PPP2R3A: variants seen among roughly 807,000 people sequenced by gnomAD.
PPP2R3A encodes the protein protein phosphatase 2 regulatory subunit B''alpha.
PPP2R3A carries 80 observed loss-of-function variants against 106.9 expected under a neutral mutation model. The observed-to-expected ratio is 0.75, with a 90% CI of 0.62 to 0.90. The LOEUF is 0.90. Among genes scored for constraint, PPP2R3A ranks in the 40% least tolerant of loss-of-function variants. PPP2R3A has a pLI of 0.00. For synonymous variants in PPP2R3A, 483 were observed against 468.3 expected, an observed-to-expected ratio of 1.03 and a Z score of -0.41; for missense variants, 1,386 against 1,350.4, an observed-to-expected ratio of 1.03 and a Z score of -0.41.
intron 13 of PPP2R3A, among the ~76,000 whole-genome samples, chr3:136,113,875 G>C (rs1937642400): frequency 6.6e-6 from 1 of 151,962 alleles, no homozygotes; most frequent in East Asian, 1.9e-4. Flanking sequence ...CTCGACATAG[G>C]CCTTGGCAAA....
In PPP2R3A at chr3:136,049,243, GTTGTTTCTTT is replaced by G; in HGVS notation, c.2367-14_2367-5del. On this transcript the variant is annotated splice_region_variant and splice_polypyrimidine_tract_variant and intron_variant, in intron 4 of 13. Transcript: ENST00000264977. ...TCAGAGGAACTAATCTTCCTAAGCA[GTTGTTTCTTT>G]TATAGGTTGCTGAATAACCATCATG... is the stretch of plus-strand genomic sequence containing the variant. The G allele has an allele frequency of 6.4e-7, 1 of 1,572,968 alleles. No homozygotes were observed. Among genetic ancestry groups the G allele is most frequent in the Non-Finnish European group, 8.7e-7 (1 of 1,149,498 alleles).
At chr3:136,036,002 G>A (rs1935073487) in intron 3 of PPP2R3A, among the ~76,000 whole-genome samples, 1 of 151,494 alleles carries the variant, frequency 6.6e-6, no homozygotes, top group South Asian at 2.1e-4. Flanking sequence ...TCTTCTGCTT[G>A]TTCAGTTCCA....
At chr3:136,074,593 G>A (rs1053844240) in intron 6 of PPP2R3A, among the ~76,000 whole-genome samples, 1 of 152,216 alleles carries the variant, frequency 6.6e-6, no homozygotes, top group African/African-American at 2.4e-5. Flanking sequence ...GCTAACTTGA[G>A]TTTTTAAAAT....
intron 3 of PPP2R3A, among the ~76,000 whole-genome samples, chr3:136,034,724 A>G (rs1255919423): frequency 1.3e-5 from 2 of 152,190 alleles, no homozygotes; most frequent in Non-Finnish European, 2.9e-5. Flanking sequence ...TGTTCTGTAT[A>G]TGTCTATTAA....
At chr3:136,125,110 C>T (rs928477999) in intron 13 of PPP2R3A, among the ~76,000 whole-genome samples, 3 of 152,124 alleles carry the variant, frequency 2.0e-5, no homozygotes, top group East Asian at 1.9e-4. Context: ...CACCAGAGGT[C>T]GGGAGTTCGA....
intron 6 of PPP2R3A, among the ~76,000 whole-genome samples, chr3:136,077,738 C>T (rs925026708): frequency 2.0e-5 from 3 of 152,162 alleles, no homozygotes; most frequent in Admixed American, 6.5e-5. Context: ...TGCTTCTTAT[C>T]TCCTCTTCTC....
chr3:136,086,813 T>C (rs919468631), intron 8 of PPP2R3A, among the ~76,000 whole-genome samples: 2 of 152,232 alleles, frequency 1.3e-5, no homozygotes, highest in Non-Finnish European at 2.9e-5. Context: ...TACCTAACTA[T>C]GTGCAGAAGA....
At chr3:136,023,247 GAAAATAT>G (rs764128016) in intron 2 of PPP2R3A, 68 of 1,545,786 alleles carry the variant, frequency 4.4e-5, no homozygotes, top group Non-Finnish European at 5.5e-5. Flanking sequence ...GTTTTGTTTT[GAAAATAT>G]TTTTATTACT....
At chr3:136,075,926 C>T (rs1165926556) in intron 6 of PPP2R3A, among the ~76,000 whole-genome samples, 2 of 152,024 alleles carry the variant, frequency 1.3e-5, no homozygotes, top group Admixed American at 6.6e-5. Flanking sequence ...TGCTAAAAAT[C>T]CTCCATCGTT....
At chr3:135,967,180 GA>G (rs1408966339) in intron 1 of PPP2R3A, among the ~76,000 whole-genome samples, 2 of 151,994 alleles carry the variant, frequency 1.3e-5, no homozygotes, top group Non-Finnish European at 2.9e-5. Flanking sequence ...GATACTTGTG[GA>G]AAAAAACTTA....
intron 1 of PPP2R3A, among the ~76,000 whole-genome samples, chr3:135,971,660 T>A (rs944141327): frequency 2.6e-5 from 4 of 152,216 alleles, no homozygotes; most frequent in Non-Finnish European, 5.9e-5. Context: ...TGGATGATGG[T>A]TAACTTCTGT....
intron 13 of PPP2R3A, among the ~76,000 whole-genome samples, chr3:136,124,204 G>A (rs2108005384): frequency 6.6e-6 from 1 of 152,270 alleles, no homozygotes; most frequent in Non-Finnish European, 1.5e-5. Flanking sequence ...AAATATATGG[G>A]ATGGACTGGG....
intron 7 of PPP2R3A, among the ~76,000 whole-genome samples, chr3:136,079,864 T>A (rs1936725368): frequency 6.6e-6 from 1 of 152,156 alleles, no homozygotes; most frequent in Non-Finnish European, 1.5e-5. Flanking sequence ...TTCTGCTTCC[T>A]AGAGCATGAT....
chr3:136,049,961 C>T (rs1437704258), intron 5 of PPP2R3A, among the ~76,000 whole-genome samples: 1 of 151,994 alleles, frequency 6.6e-6, no homozygotes. Flanking sequence ...AAACAGACTA[C>T]ACCACCAGAC....
intron 2 of PPP2R3A, among the ~76,000 whole-genome samples, chr3:136,026,469 G>C (rs1934660715): frequency 6.6e-6 from 1 of 152,086 alleles, no homozygotes; most frequent in Non-Finnish European, 1.5e-5. Context: ...ACCAAGAACT[G>C]TCTTCAAAAA....
At chr3:136,138,474 G>A (rs909763764) in intron 13 of PPP2R3A, among the ~76,000 whole-genome samples, 1 of 152,022 alleles carries the variant, frequency 6.6e-6, no homozygotes, top group South Asian at 2.1e-4. Flanking sequence ...GAAAGCAAGT[G>A]GTACATATTA....
chr3:136,095,038 A>G (rs955302888), intron 10 of PPP2R3A, among the ~76,000 whole-genome samples: 1 of 152,164 alleles, frequency 6.6e-6, no homozygotes, highest in African/African-American at 2.4e-5. Context: ...CAAGGGAAAG[A>G]TGGTCCCAAA....
chr3:136,121,865 AC>A (rs1938009341), intron 13 of PPP2R3A, among the ~76,000 whole-genome samples: 1 of 152,194 alleles, frequency 6.6e-6, no homozygotes, highest in South Asian at 2.1e-4. Context: ...CTAGGTTTTC[AC>A]TTGATTATCT....
At chr3:136,089,057 C>A (rs1214898025) in intron 9 of PPP2R3A, among the ~76,000 whole-genome samples, 1 of 152,062 alleles carries the variant, frequency 6.6e-6, no homozygotes, top group African/African-American at 2.4e-5. Context: ...TTGATAGTTT[C>A]TTTTGCTGTG....
Sources: allele counts gnomAD v4.1 joint callset (sites outside exome capture counted in the v4.1 genomes callset), GRCh38; gene constraint gnomAD v4.1.1; transcripts MANE v1.5; gene names NCBI Gene and HGNC (gene_info 2026-07-23, HGNC 2026-07-21).